IGDCC4: variants seen among roughly 807,000 people sequenced by gnomAD.
IGDCC4 encodes immunoglobulin superfamily DCC subclass member 4.
A neutral mutation model predicts 116.6 loss-of-function variants in IGDCC4; 72 were observed. The observed-to-expected ratio is 0.62, with a 90% CI of 0.51 to 0.75. The LOEUF (loss-of-function observed/expected upper bound fraction) is 0.75. IGDCC4 is among the 30% of genes least tolerant of loss of function. IGDCC4 has a pLI of 0.00. For missense variants in IGDCC4, 1,501 were observed against 1,662.4 expected, an observed-to-expected ratio of 0.90 and a Z score of 1.69; for synonymous variants, 709 against 719.9, an observed-to-expected ratio of 0.98 and a Z score of 0.24.
Position 65,394,515 on chromosome 15 carries a change from C to T in IGDCC4, c.1610G>A (p.Ser537Asn), listed in dbSNP as rs761166329. Residue 537 changes from serine (S) to asparagine (N), a missense_variant, in exon 9 of 20, where the codon AGC becomes AAC. Ser to Asn is a conservative substitution (Grantham distance 46, BLOSUM62 1). Coordinates refer to ENST00000352385, the MANE Select transcript of IGDCC4 (RefSeq NM_020962.3). ...CACCCTGATGTCCGAAGGGTTGGGG[C>T]TGGACAGGGAGAGCTGGGGTGCTGC... ...PSAAPQLSLS[S>N]PNPSDIRVAW... 5.0e-6 allele frequency: 8 copies of T among 1,611,784 alleles called. No individual in the cohort carries two copies. Among genetic ancestry groups the T allele is most frequent in the Non-Finnish European group, 6.8e-6 (8 of 1,178,716 alleles).
Position 65,384,189 on chromosome 15 carries a change from G to T in IGDCC4, c.3573C>A (p.Ala1191=), listed in dbSNP as rs780946220. The change falls in exon 20 of 20, where the codon GCC becomes GCA. Residue 1191 remains alanine (A), a synonymous_variant. Transcript: ENST00000352385. The surrounding 1 kb of genome is among the most constrained non-coding windows in gnomAD (Gnocchi z 4.9). ...AGCAGGTAAGTCTGTCTGGCCCGGG[G>T]GCTGCCAGCTCACACCCTCCCAACT... is the stretch of plus-strand genomic sequence containing the variant. ...DRELGGCELA[A]PGPDRLTCLP... is the part of the protein sequence containing the mutation. The T allele has an allele frequency of 6.2e-7, 1 of 1,612,496 alleles. No homozygotes were observed. The highest frequency in any genetic ancestry group is 8.5e-7 in the Non-Finnish European group (1 of 1,179,052).
intron 2 of IGDCC4, 49 bp downstream of exon 2, chr15:65,410,971 C>T: frequency 6.7e-7 from 1 of 1,498,970 alleles, no homozygotes; most frequent in South Asian, 1.3e-5. Context: ...CTTCGCACAC[C>T]CCAAGTCTGG....
chr15:65,397,216 A>T (rs2062937079), intron 5 of IGDCC4, among the ~76,000 whole-genome samples: 1 of 152,244 alleles, frequency 6.6e-6, no homozygotes, highest in African/African-American at 2.4e-5. Flanking sequence ...AAAGAATGTC[A>T]GAACCCCTGG....
chr15:65,382,443 T>C lies in IGDCC4; in HGVS notation c.*1566A>G, dbSNP rs991477084. The C allele has an allele frequency of 1.3e-5, 2 of 151,064 alleles. No individual in the cohort carries two copies. The highest frequency in any genetic ancestry group is 4.9e-5 in the African/African-American group (2 of 40,920). The allele number at this position is 151,064 out of a possible 1,614,324, so 9.4% of individuals were successfully genotyped here. A position where few individuals can be genotyped will look rare whatever the true frequency, so the allele number is the denominator to read the frequency against. On this transcript the variant is annotated 3_prime_UTR_variant, in exon 20 of 20. Coordinates refer to ENST00000352385, the MANE Select transcript of IGDCC4 (RefSeq NM_020962.3). The stretch of plus-strand genomic sequence containing the variant: ...AAAAAAAAAGGAAAAATGGACTGGT[T>C]ATTTCGAATTTGGCCCAGAAGGCAG...
intron 12 of IGDCC4, 136 bp downstream of exon 12, chr15:65,391,744 T>C: frequency 1.4e-6 from 1 of 729,558 alleles, no homozygotes; most frequent in South Asian, 1.7e-5. Context: ...CCCCTGATCC[T>C]AGGAGAATGG....
chr15:65,396,356 C>T (rs771782054), intron 6 of IGDCC4, 193 bp from the exon 7 acceptor site: 1 of 718,418 alleles, frequency 1.4e-6, no homozygotes, highest in East Asian at 2.8e-5. Context: ...CCATTTACCC[C>T]AGCCCCACAA....
rs547863454 is a variant in IGDCC4, at chr15:65,397,781, C to T, written c.842-792G>A. Among the ~76,000 whole-genome samples the T allele has an allele frequency of 1.5e-3, 234 of 152,294 alleles. 1 individual carries two copies. The highest frequency in any genetic ancestry group is 5.5e-3 in the African/African-American group (229 of 41,552). The stretch of plus-strand genomic sequence containing the variant: ...TGGAGAAAGGGCCATAAAGGAGCTT[C>T]ACCTAGGCCTTGAAGCCAAGGATTC... On this transcript the variant is annotated intron_variant, in intron 5 of 19. Coordinates refer to ENST00000352385, the MANE Select transcript of IGDCC4 (RefSeq NM_020962.3).
intron 5 of IGDCC4, 122 bp from the exon 6 acceptor site, chr15:65,397,111 C>T: frequency 8.1e-7 from 1 of 1,230,012 alleles, no homozygotes. Flanking sequence ...TGGTCCGAAT[C>T]TCATTTCCTC....
intron 5 of IGDCC4, among the ~76,000 whole-genome samples, chr15:65,398,665 T>G (rs570177800): frequency 4.6e-5 from 7 of 151,236 alleles, no homozygotes; most frequent in South Asian, 4.2e-4. Flanking sequence ...GATCACGAGG[T>G]TGGATCACGA....
chr15:65,387,738 C>T (rs991721608), intron 16 of IGDCC4, among the ~76,000 whole-genome samples: 1 of 151,568 alleles, frequency 6.6e-6, no homozygotes, highest in Non-Finnish European at 1.5e-5. Flanking sequence ...TCCTGCTGTC[C>T]ACCTCCACAC....
At position 65,402,516 on chromosome 15, in the gene IGDCC4, A is replaced by G. The variant is rs367692306; in HGVS notation, c.564-29T>C. The G allele has an allele frequency of 4.2e-4, 656 of 1,558,978 alleles. 3 individuals carry two copies. Among genetic ancestry groups the G allele is most frequent in the Middle Eastern group, 8.4e-4 (5 of 5,980 alleles). On this transcript the variant is annotated intron_variant, in intron 3 of 19. Coordinates refer to ENST00000352385, the MANE Select transcript of IGDCC4 (RefSeq NM_020962.3). ...GGGAAGAGGGGAGCAGGCAACTGTG[A>G]GGTGGGCAGGGGGGCCACAGGGAGG...
chr15:65,402,332 A>G lies in IGDCC4; in HGVS notation c.700+19T>C. 1 of 1,555,526 alleles carries G rather than the reference A, an allele frequency of 6.4e-7. No individual in the cohort carries two copies. The highest frequency in any genetic ancestry group is 2.4e-5 in the East Asian group (1 of 41,404). The stretch of plus-strand genomic sequence containing the variant: ...GTTCCAGAAACCCCCAGGTTTCCCC[A>G]CCCAGCCAGCCCCCTTACCTCTGTG... On this transcript the variant is annotated intron_variant, in intron 4 of 19. Transcript: ENST00000352385.
intron 8 of IGDCC4, 33 bp downstream of exon 8, chr15:65,395,061 C>T (rs763143235): frequency 4.4e-6 from 7 of 1,577,076 alleles, no homozygotes; most frequent in Non-Finnish European, 6.1e-6. Context: ...TCTCTTTACC[C>T]CAAGCTGCCC....
In IGDCC4 at chr15:65,411,262, C is replaced by T; in HGVS notation, c.179G>A (p.Gly60Glu). The T allele has an allele frequency of 3.1e-6, 5 of 1,614,084 alleles. No individual in the cohort carries two copies. Among genetic ancestry groups the T allele is most frequent in the Non-Finnish European group, 4.2e-6 (5 of 1,180,016 alleles). ...EQAAVLNCSLGAAAAGPPTRV... is the reference protein window; with the variant it reads ...EQAAVLNCSLEAAAAGPPTRV... ...GGTGGGGGGTCCAGCGGCAGCAGCC[C>T]CCAGGCTACAGTTTAGCACTGCAGC... Residue 60 changes from glycine (G) to glutamate (E), a missense_variant, in exon 2 of 20, where the codon GGG (glycine) becomes GAG (glutamate). Physicochemically the swap from Gly to Glu is moderately conservative, Grantham distance 98. Coordinates refer to ENST00000352385, the MANE Select transcript of IGDCC4 (RefSeq NM_020962.3).
At chr15:65,385,690 G>C (rs1174254510) in intron 18 of IGDCC4, 141 bp downstream of exon 18, 1 of 753,798 alleles carries the variant, frequency 1.3e-6, no homozygotes, top group Non-Finnish European at 2.4e-6. Context: ...CAACCATTCC[G>C]TGGAGGAGGG....
chr15:65,394,994 C>T, intron 8 of IGDCC4, 100 bp downstream of exon 8: 2 of 1,262,890 alleles, frequency 1.6e-6, no homozygotes, highest in Non-Finnish European at 1.1e-6. Flanking sequence ...ATGATATGAG[C>T]AGGTAAAAAT....
chr15:65,406,145 A>G (rs1204258244), intron 3 of IGDCC4, among the ~76,000 whole-genome samples: 1 of 152,260 alleles, frequency 6.6e-6, no homozygotes, highest in Non-Finnish European at 1.5e-5. Flanking sequence ...AATGATTTCA[A>G]GTGGATCCAG....
rs765183844 is a variant in IGDCC4, at chr15:65,394,452, T to G, written c.1673A>C (p.Gln558Pro). The change falls in exon 9 of 20, where the codon CAG (glutamine) becomes CCG (proline). Residue 558 changes from glutamine to proline, a missense_variant. Gln to Pro is a moderately conservative substitution (Grantham distance 76). This residue lies in a region of IGDCC4 where 898 missense variants were observed against 978.9 expected (regional missense o/e 0.92). Coordinates refer to ENST00000352385, the MANE Select transcript of IGDCC4 (RefSeq NM_020962.3). ...GTATTCTATCTTGTACTTCACCACC[T>G]GCCCATTGCTCAGGCTGGGGGGCAG... ...LPLPPSLSNG[Q>P]VVKYKIEYGL... is the part of the protein sequence containing the mutation. 1.9e-6 allele frequency: 3 copies of G among 1,614,038 alleles called. No individual in the cohort carries two copies. The Admixed American group carries it at 5.0e-5, about 27-fold the overall frequency.
intron 3 of IGDCC4, among the ~76,000 whole-genome samples, chr15:65,409,565 G>A (rs2063070734): frequency 6.6e-6 from 1 of 152,224 alleles, no homozygotes. Context: ...GAAGCCACAA[G>A]AGGGACCAAG....
Sources: allele counts gnomAD v4.1 joint callset (sites outside exome capture counted in the v4.1 genomes callset), GRCh38; gene constraint gnomAD v4.1.1; regional missense constraint gnomAD v4.1.1; non-coding constraint Gnocchi (gnomAD v3.1); transcripts MANE v1.5; gene names NCBI Gene and HGNC (gene_info 2026-07-23, HGNC 2026-07-21).